MLIP: variants seen among roughly 807,000 people sequenced by gnomAD.
MLIP encodes muscular LMNA-interacting protein.
MLIP carries 79 observed loss-of-function variants against 84.8 expected under a neutral mutation model. The ratio of observed to expected loss-of-function variants is 0.93; its 90% CI spans 0.78 to 1.12. The LOEUF (loss-of-function observed/expected upper bound fraction) is 1.12. Ranked by LOEUF, MLIP falls within the 50% of genes most tolerant of loss-of-function variation. The probability of loss-of-function intolerance (pLI) is 0.00; values close to 1 mark genes in which losing one functional copy is unlikely to be tolerated. For missense variants in MLIP, 1,257 were observed against 1,160.6 expected (o/e 1.08, Z -1.21); for synonymous variants, 504 against 463.0 (o/e 1.09, Z -1.14).
chr6:54,255,789 A>C (rs1264396267), intron 12 of MLIP, among the ~76,000 whole-genome samples: 1 of 152,202 alleles, frequency 6.6e-6, no homozygotes, highest in Non-Finnish European at 1.5e-5. Context: ...CCAAGATTTT[A>C]AAATTTCAAG....
At chr6:54,046,063 G>A (rs9382279) in intron 1 of MLIP, 119,066 of 151,980 alleles carry the variant, frequency 0.78, 47,400 homozygotes, top group South Asian at 0.86. Context: ...ATTATTCGTG[G>A]GGAAGATAAT....
intron 1 of MLIP, among the ~76,000 whole-genome samples, chr6:54,096,485 C>T (rs1768222010): frequency 6.6e-6 from 1 of 151,922 alleles, no homozygotes; most frequent in Non-Finnish European, 1.5e-5. Flanking sequence ...TCAACCTCAT[C>T]TGCAGAGAGG....
Position 54,230,775 on chromosome 6 carries a change from C to T in MLIP, c.2780C>T (p.Pro927Leu). ...LHPLYQTKLYPPAKSLLHPQT... is the reference protein window; with the variant it reads ...LHPLYQTKLYLPAKSLLHPQT... ...CCTTTATATCAGACTAAACTCTATC[C>T]TCCTGCTAAGTCACTGCTGCATCCA... is the stretch of plus-strand genomic sequence containing the variant. The change falls in exon 12 of 14, where the codon CCT becomes CTT. Residue 927 changes from proline (P) to leucine (L), a missense_variant. Coordinates refer to ENST00000502396, the MANE Select transcript of MLIP (RefSeq NM_001281747.2). 4.3e-6 allele frequency: 7 copies of T among 1,614,120 alleles called. No homozygotes were observed. The highest frequency in any genetic ancestry group is 5.9e-6 in the Non-Finnish European group (7 of 1,179,994).
At position 54,218,067 on chromosome 6, in the gene MLIP, T is replaced by A; in HGVS notation, c.2719-12647T>A. 4.6e-6 allele frequency: 4 copies of A among 864,160 alleles called. No individual in the cohort carries two copies. The South Asian group carries it at 2.1e-4, about 46-fold the overall frequency. 53.5% of individuals were successfully genotyped at this position (864,160 alleles called of 1,614,324 possible). A position where few individuals can be genotyped will look rare whatever the true frequency, so the allele number is the denominator to read the frequency against. Reference sequence around the variant, plus strand: ...CCTGGCTCACCAGTGTTTTTATAAATAAAGTATTATTGGAACATGGCCTTG... The same window carrying A: ...CCTGGCTCACCAGTGTTTTTATAAAAAAAGTATTATTGGAACATGGCCTTG... On this transcript the variant is annotated intron_variant, in intron 11 of 13. Transcript: ENST00000502396.
chr6:54,229,560 C>G (rs759698810), intron 11 of MLIP, among the ~76,000 whole-genome samples: 12 of 152,074 alleles, frequency 7.9e-5, no homozygotes, highest in Non-Finnish European at 1.6e-4. Flanking sequence ...GTTGTTCCCC[C>G]ACCATGTGTT....
intron 12 of MLIP, among the ~76,000 whole-genome samples, chr6:54,251,458 A>ATATG (rs1371504261): frequency 1.5e-5 from 2 of 132,078 alleles, no homozygotes; most frequent in African/African-American, 6.4e-5. Flanking sequence ...ATATATATAT[A>ATATG]TATATATATC....
chr6:54,130,765 T>C (rs1165386350), intron 3 of MLIP, among the ~76,000 whole-genome samples: 1 of 152,106 alleles, frequency 6.6e-6, no homozygotes, highest in Non-Finnish European at 1.5e-5. Context: ...GCAGTGTTGC[T>C]GAAATTTGAA....
intron 1 of MLIP, among the ~76,000 whole-genome samples, chr6:54,060,062 C>T (rs761277215): frequency 1.0e-4 from 6 of 59,238 alleles, no homozygotes; most frequent in Non-Finnish European, 3.6e-4. Context: ...TGTATAATAC[C>T]TTTAAACTCA....
At position 54,266,031 on chromosome 6, in the gene MLIP, CTTTT is replaced by C; in HGVS notation, c.*87_*90del. 7 of 1,209,778 alleles carry C rather than the reference CTTTT, an allele frequency of 5.8e-6. No individual in the cohort carries two copies. The highest frequency in any genetic ancestry group is 1.6e-5 in the African/African-American group (1 of 62,800). The allele number at this position is 1,209,778 out of a possible 1,614,324, so 74.9% of individuals were successfully genotyped here. On this transcript the variant is annotated 3_prime_UTR_variant, in exon 14 of 14. Transcript: ENST00000502396. ...GGTGCTAACCACTTGCTAGATTTAA[CTTTT>C]TTTTTTTTTTCCAGAATGAGTGCTC...
intron 11 of MLIP, among the ~76,000 whole-genome samples, chr6:54,207,409 A>C (rs866721098): frequency 7.6e-3 from 747 of 98,360 alleles, no homozygotes; most frequent in Middle Eastern, 0.019. Flanking sequence ...TCACCTCTGC[A>C]CCCCCCCCCC....
chr6:54,245,198 A>C (rs769453847), intron 12 of MLIP, among the ~76,000 whole-genome samples: 20 of 152,150 alleles, frequency 1.3e-4, no homozygotes, highest in Non-Finnish European at 1.3e-4. Flanking sequence ...TTAAAAGCAG[A>C]TCCTGAGACA....
intron 12 of MLIP, among the ~76,000 whole-genome samples, chr6:54,239,637 AT>A (rs1351694313): frequency 1.3e-5 from 2 of 150,048 alleles, no homozygotes; most frequent in Non-Finnish European, 3.0e-5. Flanking sequence ...AAAAAAAAAA[AT>A]TAGCTGGGCA....
rs190398418 is a variant in MLIP, at chr6:54,155,101, T to C, written c.2290-5266T>C. Among the ~76,000 whole-genome samples, 272 of 152,250 alleles carry C rather than the reference T, an allele frequency of 1.8e-3. 2 individuals carry two copies. The highest frequency in any genetic ancestry group is 2.7e-3 in the Non-Finnish European group (182 of 67,996). ...AACTAGAGTTCTTCAGTTCTTGATA[T>C]TTTTAAACCAATCATGTAAAAATAT... On this transcript the variant is annotated intron_variant, in intron 5 of 13. Coordinates refer to ENST00000502396, the MANE Select transcript of MLIP (RefSeq NM_001281747.2).
chr6:54,163,225 C>T (rs1220318508), intron 8 of MLIP, among the ~76,000 whole-genome samples: 1 of 151,738 alleles, frequency 6.6e-6, no homozygotes, highest in Non-Finnish European at 1.5e-5. Flanking sequence ...TTCTTGTTTT[C>T]CTAGATGTAT....
At chr6:54,107,255 T>C (rs1373406198), upstream of MLIP, among the ~76,000 whole-genome samples, 1 of 152,208 alleles carries the variant, frequency 6.6e-6, no homozygotes, top group African/African-American at 2.4e-5. Flanking sequence ...GAGTAAGCAG[T>C]ATAACTATAT....
chr6:54,066,854 T>C (rs1766246575), intron 1 of MLIP, among the ~76,000 whole-genome samples: 1 of 98,594 alleles, frequency 1.0e-5, no homozygotes, highest in African/African-American at 2.6e-5. Flanking sequence ...ATCAATGAAA[T>C]ACTAACTAGG....
intron 11 of MLIP, chr6:54,216,252 G>T: frequency 4.1e-6 from 4 of 985,312 alleles, no homozygotes; most frequent in African/African-American, 1.7e-5. Context: ...TGAATATATT[G>T]TCTTCTTTCT....
intron 9 of MLIP, among the ~76,000 whole-genome samples, chr6:54,184,560 G>T (rs867363674): frequency 2.0e-5 from 3 of 152,130 alleles, no homozygotes; most frequent in Admixed American, 6.5e-5. Flanking sequence ...GAGATGAAAA[G>T]GTTTCTCCAA....
chr6:54,039,838 A>C (rs1764646302), intron 1 of MLIP, among the ~76,000 whole-genome samples: 1 of 151,986 alleles, frequency 6.6e-6, no homozygotes, highest in African/African-American at 2.4e-5. Flanking sequence ...ATGTTCAGCC[A>C]CGCTAAAATG....
Sources: allele counts gnomAD v4.1 joint callset (sites outside exome capture counted in the v4.1 genomes callset), GRCh38; gene constraint gnomAD v4.1.1; transcripts MANE v1.5; gene names NCBI Gene and HGNC (gene_info 2026-07-23, HGNC 2026-07-21).